The following CFAP54 variants were observed in gnomAD, a reference collection of about 807,000 sequenced individuals.
The protein encoded by CFAP54 is cilia and flagella associated protein 54.
CFAP54 carries 290 observed loss-of-function variants against 370.4 expected under a neutral mutation model. The ratio of observed to expected loss-of-function variants is 0.78; its 90% CI spans 0.71 to 0.86. The LOEUF is 0.86. Among genes scored for constraint, CFAP54 ranks in the 40% least tolerant of loss-of-function variants. CFAP54 has a pLI of 0.00. For synonymous variants in CFAP54, 1,206 were observed against 1,236.5 expected (o/e 0.98, Z 0.52); for missense variants, 3,399 against 3,528.7 (o/e 0.96, Z 0.93).
rs374986439 is a variant in CFAP54 at position 96,744,196 on chromosome 12, T to A, written c.7684+50T>A. On this transcript the variant is annotated intron_variant, in intron 55 of 67. Coordinates refer to ENST00000524981, the MANE Select transcript of CFAP54 (RefSeq NM_001306084.2). ...CCCTAGAATAACTGATAAAACTTTT[T>A]AAGTTATTTTTAGGCAGGCTATCAT... 1.2e-4 allele frequency: 173 copies of A among 1,500,716 alleles called. No homozygotes were observed. In the African/African-American group the frequency reaches 2.2e-3, roughly 19 times the overall value. 93.0% of individuals were successfully genotyped at this position (1,500,716 alleles called of 1,614,324 possible).
At chr12:96,599,764 A>G (rs1172001169) in intron 26 of CFAP54, among the ~76,000 whole-genome samples, 4 of 152,164 alleles carry the variant, frequency 2.6e-5, no homozygotes, top group Non-Finnish European at 5.9e-5. Flanking sequence ...ACCAGTGATG[A>G]TGAGCATTTT....
At chr12:96,567,324 A>C (rs552010659) in intron 19 of CFAP54, among the ~76,000 whole-genome samples, 1 of 152,180 alleles carries the variant, frequency 6.6e-6, no homozygotes, top group Non-Finnish European at 1.5e-5. Flanking sequence ...ATGTGTTCAT[A>C]AGAAGTATTT....
At chr12:96,582,534 G>A (rs903159500) in intron 22 of CFAP54, among the ~76,000 whole-genome samples, 15 of 152,052 alleles carry the variant, frequency 9.9e-5, no homozygotes, top group African/African-American at 3.1e-4. Context: ...TTGGTTTAGC[G>A]TGTCATACTG....
rs1565767049 is a variant in CFAP54, at chr12:96,865,448, T to C, written c.*14+4496T>C. ...ACACAGGCAAAACAACATAATACAG[T>C]ATTTATGGATGAGTACATATATACT... On this transcript the variant is annotated intron_variant, in intron 67 of 67. Coordinates refer to ENST00000524981, the MANE Select transcript of CFAP54 (RefSeq NM_001306084.2). 2.0e-5 allele frequency among the ~76,000 whole-genome samples: 3 copies of C among 152,156 alleles called. No homozygotes were observed. In the South Asian group the frequency reaches 6.2e-4, roughly 32 times the overall value.
chr12:96,528,262 A>C (rs1592833452), intron 9 of CFAP54, among the ~76,000 whole-genome samples: 1 of 151,950 alleles, frequency 6.6e-6, no homozygotes, highest in Admixed American at 6.6e-5. Context: ...AATCTTGAAT[A>C]GTTTAATTTT....
In CFAP54 at chr12:96,505,552, G is replaced by T. The variant is rs554981581; in HGVS notation, c.568-1376G>T. Among the ~76,000 whole-genome samples, 5 of 149,704 alleles carry T rather than the reference G, an allele frequency of 3.3e-5. No individual in the cohort carries two copies. In the East Asian group the frequency reaches 7.9e-4, roughly 24 times the overall value. ...GAGGCTCACTCTGTTGCCCAAGCTGGAGTGCAGTGGTGCAGTCTTGGCTCA... is the reference window on the plus strand; with the variant it reads ...GAGGCTCACTCTGTTGCCCAAGCTGTAGTGCAGTGGTGCAGTCTTGGCTCA... On this transcript the variant is annotated intron_variant, in intron 3 of 67. Coordinates refer to ENST00000524981, the MANE Select transcript of CFAP54 (RefSeq NM_001306084.2).
chr12:96,757,924 G>A (rs1479489461), intron 58 of CFAP54, among the ~76,000 whole-genome samples: 3 of 152,134 alleles, frequency 2.0e-5, no homozygotes, highest in African/African-American at 7.2e-5. Flanking sequence ...CATTAGTATT[G>A]ATCAGGAAAA....
chr12:96,820,572 G>C (rs1959021158), intron 65 of CFAP54, among the ~76,000 whole-genome samples: 1 of 152,076 alleles, frequency 6.6e-6, no homozygotes, highest in Non-Finnish European at 1.5e-5. Flanking sequence ...TATATCATGG[G>C]GCAGATGTCT....
At chr12:96,529,723 AT>A (rs1955420411) in intron 9 of CFAP54, among the ~76,000 whole-genome samples, 1 of 152,042 alleles carries the variant, frequency 6.6e-6, no homozygotes, top group Non-Finnish European at 1.5e-5. Flanking sequence ...TCTATTCTGG[AT>A]ATAATTCCTT....
chr12:96,810,281 C>T (rs1330561736), intron 63 of CFAP54, among the ~76,000 whole-genome samples: 1 of 152,132 alleles, frequency 6.6e-6, no homozygotes, highest in Non-Finnish European at 1.5e-5. Flanking sequence ...CTTCCAGGTG[C>T]TTTCTGTCCT....
At chr12:96,537,173 C>A (rs1255185019) in intron 12 of CFAP54, among the ~76,000 whole-genome samples, 1 of 152,060 alleles carries the variant, frequency 6.6e-6, no homozygotes, top group African/African-American at 2.4e-5. Context: ...TAATAATTTT[C>A]TTTTGCAAAG....
intron 50 of CFAP54, among the ~76,000 whole-genome samples, chr12:96,724,394 T>A (rs1016897984): frequency 6.6e-6 from 1 of 151,456 alleles, no homozygotes; most frequent in Non-Finnish European, 1.5e-5. Context: ...GGTATCTCAT[T>A]GTGGTTTTGA....
intron 32 of CFAP54, among the ~76,000 whole-genome samples, chr12:96,640,166 A>G (rs1284846800): frequency 6.6e-6 from 1 of 152,184 alleles, no homozygotes; most frequent in East Asian, 1.9e-4. Context: ...ACATGATTAT[A>G]TATCTAGAAA....
chr12:96,530,822 C>T (rs966676380), intron 9 of CFAP54, among the ~76,000 whole-genome samples: 1 of 152,232 alleles, frequency 6.6e-6, no homozygotes, highest in African/African-American at 2.4e-5. Context: ...AGTTTCTGGA[C>T]ATCCTTGACA....
At chr12:96,564,390 G>A in intron 17 of CFAP54, 78 bp from the exon 18 acceptor site, 1 of 586,040 alleles carries the variant, frequency 1.7e-6, no homozygotes, top group East Asian at 2.9e-5. Flanking sequence ...TTTATGAATA[G>A]TTACTCCTTA....
At chr12:96,863,090 G>GT in intron 67 of CFAP54, among the ~76,000 whole-genome samples, 1 of 152,186 alleles carries the variant, frequency 6.6e-6, no homozygotes, top group Middle Eastern at 3.4e-3. Flanking sequence ...TTTAGTGAAT[G>GT]TAAGTGCTTG....
At chr12:96,754,627 A>G (rs1958229668) in intron 56 of CFAP54, among the ~76,000 whole-genome samples, 1 of 152,312 alleles carries the variant, frequency 6.6e-6, no homozygotes, top group South Asian at 2.1e-4. Flanking sequence ...TGTGAGCTCA[A>G]CACTGGCCAG....
intron 22 of CFAP54, among the ~76,000 whole-genome samples, chr12:96,584,747 T>C (rs1956060431): frequency 6.6e-6 from 1 of 152,188 alleles, no homozygotes. Flanking sequence ...CCAGCTCAGC[T>C]TGGGGTAATG....
At chr12:96,553,474 C>CTATATATATAGTTATA (rs974512034) in intron 15 of CFAP54, among the ~76,000 whole-genome samples, 1 of 144,646 alleles carries the variant, frequency 6.9e-6, no homozygotes, top group Non-Finnish European at 1.5e-5. Flanking sequence ...GGACAGTTAA[C>CTATATATATAGTTATA]TATATATATA....
Sources: gnomAD v4.1 joint callset for allele counts (sites outside exome capture counted in the v4.1 genomes callset) on GRCh38, gnomAD v4.1.1 for gene constraint, MANE v1.5 for transcripts, NCBI Gene and HGNC (gene_info 2026-07-23, HGNC 2026-07-21) for gene names.